The following TSHZ2 variants were observed in gnomAD, a reference collection of about 807,000 sequenced individuals.
TSHZ2 encodes teashirt zinc finger homeobox 2, also known as teashirt homolog 2.
In TSHZ2, 21 loss-of-function variants were observed where a neutral mutation model predicts 74.4. That is an observed-to-expected ratio of 0.28 (90% CI 0.20 to 0.41). TSHZ2 has a LOEUF of 0.41. TSHZ2 is among the 10% of genes least tolerant of loss of function. The pLI is 1.00. For synonymous variants in TSHZ2, 540 were observed against 515.3 expected (o/e 1.05, Z -0.65); for missense variants, 1,244 against 1,293.5 (o/e 0.96, Z 0.59).
intron 2 of TSHZ2, among the ~76,000 whole-genome samples, chr20:53,360,397 T>A (rs895298415): frequency 7.2e-5 from 11 of 152,236 alleles, no homozygotes; most frequent in Admixed American, 7.2e-4. Flanking sequence ...CCGTGACTTT[T>A]ACTTTTGTTA....
At chr20:53,061,815 A>T (rs991808977) in intron 1 of TSHZ2, among the ~76,000 whole-genome samples, 2 of 152,170 alleles carry the variant, frequency 1.3e-5, no homozygotes, top group African/African-American at 4.8e-5. Context: ...ATTCCATTTT[A>T]AAATCAACGA....
At chr20:53,092,089 G>A (rs947181112) in intron 1 of TSHZ2, among the ~76,000 whole-genome samples, 1 of 151,956 alleles carries the variant, frequency 6.6e-6, no homozygotes, top group Non-Finnish European at 1.5e-5. Flanking sequence ...GTTTCCCAGA[G>A]GAGGGTTTTG....
chr20:53,279,047 G>A (rs1468473862), intron 2 of TSHZ2, among the ~76,000 whole-genome samples: 3 of 152,240 alleles, frequency 2.0e-5, no homozygotes, highest in African/African-American at 4.8e-5. Context: ...AAAAGAAAAC[G>A]TTGTCAGGAA....
intron 2 of TSHZ2, among the ~76,000 whole-genome samples, chr20:53,318,925 G>T (rs1979134922): frequency 6.6e-6 from 1 of 152,198 alleles, no homozygotes; most frequent in Non-Finnish European, 1.5e-5. Context: ...AAAGGCAAAG[G>T]AGGAGCAAAG....
chr20:53,419,079 G>A (rs574821352), intron 2 of TSHZ2, among the ~76,000 whole-genome samples: 1 of 152,260 alleles, frequency 6.6e-6, no homozygotes, highest in Admixed American at 6.5e-5. Context: ...TAGATCCATC[G>A]GGAAGTTGGC....
chr20:53,240,378 T>C (rs369593421), intron 1 of TSHZ2, among the ~76,000 whole-genome samples: 7 of 152,284 alleles, frequency 4.6e-5, no homozygotes, highest in African/African-American at 1.4e-4. Flanking sequence ...TCCTATGATG[T>C]ACCCTAGAAC....
chr20:53,091,921 C>A (rs1985897533), intron 1 of TSHZ2, among the ~76,000 whole-genome samples: 1 of 152,132 alleles, frequency 6.6e-6, no homozygotes, highest in Admixed American at 6.5e-5. Flanking sequence ...TGGTACCCGC[C>A]TGTTGTACCA....
intron 2 of TSHZ2, among the ~76,000 whole-genome samples, chr20:53,306,511 G>A (rs1978550141): frequency 6.6e-6 from 1 of 152,112 alleles, no homozygotes; most frequent in Non-Finnish European, 1.5e-5. Context: ...AGATTTGAAG[G>A]GGTTAGGATT....
At chr20:53,180,143 C>T (rs1293388) in intron 1 of TSHZ2, among the ~76,000 whole-genome samples, 98,536 of 151,454 alleles carry the variant, frequency 0.65, 32,747 homozygotes, top group East Asian at 1. Context: ...GATTCTGTGA[C>T]AAAAGAAAGA....
chr20:53,331,714 C>T (rs945051795), intron 2 of TSHZ2, among the ~76,000 whole-genome samples: 6 of 140,606 alleles, frequency 4.3e-5, no homozygotes, highest in African/African-American at 1.7e-4. Context: ...CCTAAGGAGA[C>T]AGATGGCAAA....
intron 1 of TSHZ2, among the ~76,000 whole-genome samples, chr20:53,148,045 T>A (rs1987587284): frequency 6.6e-6 from 1 of 152,236 alleles, no homozygotes; most frequent in Non-Finnish European, 1.5e-5. Context: ...AAGATTTGTG[T>A]TGTTGTTACA....
At chr20:53,315,947 T>C (rs775001778) in intron 2 of TSHZ2, among the ~76,000 whole-genome samples, 4 of 151,692 alleles carry the variant, frequency 2.6e-5, no homozygotes, top group African/African-American at 4.8e-5. Flanking sequence ...GAAAGAACCA[T>C]GGAAAAAGGA....
intron 2 of TSHZ2, among the ~76,000 whole-genome samples, chr20:53,447,158 A>G (rs1314868127): frequency 6.6e-6 from 1 of 152,168 alleles, no homozygotes; most frequent in African/African-American, 2.4e-5. Flanking sequence ...TTAGATGCCA[A>G]TCTCCTCTTC....
chr20:53,358,367 G>A (rs1315713881), intron 2 of TSHZ2, among the ~76,000 whole-genome samples: 2 of 113,916 alleles, frequency 1.8e-5, no homozygotes, highest in African/African-American at 3.5e-5. Context: ...CCCAAACAGA[G>A]TCTCATTCTG....
At chr20:53,168,714 A>G (rs1404070898) in intron 1 of TSHZ2, 1 of 152,122 alleles carries the variant, frequency 6.6e-6, no homozygotes, top group Non-Finnish European at 1.5e-5. Context: ...CTCAGATGCA[A>G]CCTTCTTTCC....
intron 2 of TSHZ2, among the ~76,000 whole-genome samples, chr20:53,447,936 C>T (rs6022484): frequency 0.17 from 24,120 of 141,748 alleles, 2,069 homozygotes; most frequent in East Asian, 0.31. Flanking sequence ...TTTTTTGAGA[C>T]GGAGTCTCAC....
At chr20:52,998,061 T>G (rs1456126199) in intron 1 of TSHZ2, among the ~76,000 whole-genome samples, 7 of 152,170 alleles carry the variant, frequency 4.6e-5, no homozygotes, top group Admixed American at 3.9e-4. Context: ...TTAGAAGAGT[T>G]AGCCTACCCT....
chr20:53,008,613 C>T (rs762204840), intron 1 of TSHZ2, among the ~76,000 whole-genome samples: 8 of 149,478 alleles, frequency 5.4e-5, no homozygotes, highest in African/African-American at 4.9e-5. Context: ...TCAAAATGAA[C>T]GTCAAAAACA....
chr20:53,132,805 TTTAA>T (rs1248864872), intron 1 of TSHZ2, among the ~76,000 whole-genome samples: 1 of 152,178 alleles, frequency 6.6e-6, no homozygotes. Context: ...AGAATCCATG[TTTAA>T]TTAGCTTGTC....
Sources: gnomAD v4.1 joint callset for allele counts (sites outside exome capture counted in the v4.1 genomes callset) on GRCh38, gnomAD v4.1.1 for gene constraint, MANE v1.5 for transcripts, NCBI Gene and HGNC (gene_info 2026-07-23, HGNC 2026-07-21) for gene names.